CDH13: variants seen among roughly 807,000 people sequenced by gnomAD.
The protein encoded by CDH13 is cadherin 13.
A neutral mutation model predicts 63.8 loss-of-function variants in CDH13; 24 were observed. The ratio of observed to expected loss-of-function variants is 0.38; its 90% CI spans 0.27 to 0.53. The LOEUF (loss-of-function observed/expected upper bound fraction) is 0.53, where lower values mean the gene tolerates loss of function less well. Among genes scored for constraint, CDH13 ranks in the 20% least tolerant of loss-of-function variants. The pLI is 0.85. For missense variants in CDH13, 1,049 were observed against 903.1 expected, an observed-to-expected ratio of 1.16 and a Z score of -2.07; for synonymous variants, 503 against 355.3, an observed-to-expected ratio of 1.42 and a Z score of -4.67.
At chr16:83,300,353 A>G (rs1220961381) in intron 5 of CDH13, among the ~76,000 whole-genome samples, 3 of 152,258 alleles carry the variant, frequency 2.0e-5, no homozygotes, top group African/African-American at 4.8e-5. Flanking sequence ...CTAAATGTGT[A>G]CTTACTGTTC....
At chr16:82,701,864 C>A (rs1174080673) in intron 1 of CDH13, among the ~76,000 whole-genome samples, 2 of 152,194 alleles carry the variant, frequency 1.3e-5, no homozygotes, top group African/African-American at 4.8e-5. Context: ...CACCTCCCCT[C>A]TTCTGAAGAC....
intron 3 of CDH13, among the ~76,000 whole-genome samples, chr16:83,056,758 G>A (rs537601691): frequency 2.0e-4 from 31 of 152,192 alleles, no homozygotes; most frequent in African/African-American, 7.2e-4. Flanking sequence ...ATTGAATCAC[G>A]GGGGTGGGTT....
At chr16:83,500,939 A>G (rs1031968841) in intron 7 of CDH13, among the ~76,000 whole-genome samples, 3 of 152,254 alleles carry the variant, frequency 2.0e-5, no homozygotes, top group Admixed American at 6.5e-5. Flanking sequence ...GAGTTGTGCC[A>G]GGAATCATGG....
intron 6 of CDH13, among the ~76,000 whole-genome samples, chr16:83,357,257 C>A (rs1287216166): frequency 1.3e-5 from 2 of 152,134 alleles, no homozygotes; most frequent in African/African-American, 2.4e-5. Context: ...TGAAGAGGTT[C>A]TATGCTTGTT....
chr16:82,896,275 G>GTTTTTTTTTTTT, intron 2 of CDH13, among the ~76,000 whole-genome samples: 1 of 73,276 alleles, frequency 1.4e-5, no homozygotes. Flanking sequence ...CTAGGATTAG[G>GTTTTTTTTTTTT]ATTTTTTTTT....
At chr16:83,157,717 A>T (rs962173030) in intron 4 of CDH13, among the ~76,000 whole-genome samples, 7 of 148,168 alleles carry the variant, frequency 4.7e-5, no homozygotes, top group African/African-American at 1.7e-4. Flanking sequence ...ACAGGGTGAA[A>T]CCCCGTCTCT....
chr16:83,342,855 T>G (rs1416133572), intron 5 of CDH13, among the ~76,000 whole-genome samples: 2 of 145,674 alleles, frequency 1.4e-5, no homozygotes, highest in Non-Finnish European at 3.0e-5. Flanking sequence ...TTTTTTTTTT[T>G]TTTTTTTTTT....
At chr16:82,996,794 A>G (rs1469887703) in intron 2 of CDH13, among the ~76,000 whole-genome samples, 3 of 150,496 alleles carry the variant, frequency 2.0e-5, no homozygotes, top group Admixed American at 6.6e-5. Context: ...TGGTGGGGGT[A>G]ATGGTGATGG....
At chr16:83,450,592 CA>C (rs962614803) in intron 6 of CDH13, among the ~76,000 whole-genome samples, 2 of 152,104 alleles carry the variant, frequency 1.3e-5, no homozygotes, top group Non-Finnish European at 2.9e-5. Context: ...TAAAGAGGGC[CA>C]GGGGCGGTGG....
chr16:83,440,145 A>C (rs2072440153), intron 6 of CDH13, among the ~76,000 whole-genome samples: 1 of 152,182 alleles, frequency 6.6e-6, no homozygotes, highest in Admixed American at 6.5e-5. Flanking sequence ...GATGGAGAAA[A>C]AGGGAAAGGA....
At chr16:83,219,766 T>C (rs1463959402) in intron 5 of CDH13, among the ~76,000 whole-genome samples, 4 of 152,214 alleles carry the variant, frequency 2.6e-5, no homozygotes, top group Admixed American at 2.0e-4. Context: ...ATACATTTAA[T>C]TGAGTGCTTA....
At chr16:83,203,044 G>A (rs766712880) in intron 4 of CDH13, among the ~76,000 whole-genome samples, 1 of 151,272 alleles carries the variant, frequency 6.6e-6, no homozygotes, top group Non-Finnish European at 1.5e-5. Context: ...TGACCACCAT[G>A]GAGAAACCCA....
chr16:82,881,685 C>G (rs559031329), intron 2 of CDH13, among the ~76,000 whole-genome samples: 3 of 152,304 alleles, frequency 2.0e-5, no homozygotes, highest in South Asian at 4.1e-4. Flanking sequence ...ACAAAGCCAT[C>G]TGGTATCCAT....
chr16:82,631,828 G>T (rs1908042101), intron 1 of CDH13, among the ~76,000 whole-genome samples: 1 of 152,174 alleles, frequency 6.6e-6, no homozygotes, highest in African/African-American at 2.4e-5. Flanking sequence ...TGCTGACTGA[G>T]CCAGGGTCTG....
chr16:83,445,890 C>G (rs897015317), intron 6 of CDH13, among the ~76,000 whole-genome samples: 1 of 152,058 alleles, frequency 6.6e-6, no homozygotes, highest in African/African-American at 2.4e-5. Context: ...CAAACCACGC[C>G]GAACAACAGA....
chr16:82,856,322 C>T (rs1291923681), intron 1 of CDH13, among the ~76,000 whole-genome samples: 1 of 141,170 alleles, frequency 7.1e-6, no homozygotes, highest in African/African-American at 2.7e-5. Flanking sequence ...TTGCAGTGAG[C>T]AGAGATCATG....
At chr16:83,763,085 A>G (rs543125218) in intron 11 of CDH13, among the ~76,000 whole-genome samples, 1 of 152,298 alleles carries the variant, frequency 6.6e-6, no homozygotes, top group Non-Finnish European at 1.5e-5. Flanking sequence ...TTCCATTTAA[A>G]AGAACGGGGG....
intron 1 of CDH13, among the ~76,000 whole-genome samples, chr16:82,834,548 A>G (rs1007065291): frequency 2.6e-5 from 4 of 151,966 alleles, no homozygotes; most frequent in African/African-American, 9.7e-5. Flanking sequence ...CTTTGCAGCC[A>G]CCCACAGCCC....
intron 7 of CDH13, among the ~76,000 whole-genome samples, chr16:83,488,885 A>G (rs2073951207): frequency 6.6e-6 from 1 of 152,096 alleles, no homozygotes; most frequent in Non-Finnish European, 1.5e-5. Context: ...TCGGCCTCCC[A>G]GTGTGCTGGG....
Sources: allele counts gnomAD v4.1 joint callset (sites outside exome capture counted in the v4.1 genomes callset), GRCh38; gene constraint gnomAD v4.1.1; transcripts MANE v1.5; gene names NCBI Gene and HGNC (gene_info 2026-07-23, HGNC 2026-07-21).